The following C9orf153 variants were observed in gnomAD, a reference collection of about 807,000 sequenced individuals.
C9orf153 encodes the protein uncharacterized protein C9orf153.
Under a neutral mutation model 9.0 loss-of-function variants are expected in C9orf153, and 10 were observed. The ratio of observed to expected loss-of-function variants is 1.11; its 90% CI spans 0.69 to 1.89. The LOEUF (loss-of-function observed/expected upper bound fraction) is 1.89. Ranked by LOEUF, C9orf153 falls within the 40% of genes most tolerant of loss-of-function variation. C9orf153 has a pLI of 0.00. For synonymous variants in C9orf153, 35 were observed against 37.3 expected, an observed-to-expected ratio of 0.94 and a Z score of 0.23; for missense variants, 108 against 111.0, an observed-to-expected ratio of 0.97 and a Z score of 0.12.
intron 1 of C9orf153, among the ~76,000 whole-genome samples, chr9:86,240,707 C>CTTTTTTTTTTTTTTTTTT (rs367674249): frequency 1.1e-4 from 13 of 117,006 alleles, no homozygotes; most frequent in Non-Finnish European, 1.9e-4. Context: ...TTTTCTTTTT[C>CTTTTTTTTTTTTTTTTTT]TTTTTTTTTT....
At chr9:86,226,865 G>T (rs555884246) in intron 3 of C9orf153, among the ~76,000 whole-genome samples, 1 of 151,884 alleles carries the variant, frequency 6.6e-6, no homozygotes, top group Non-Finnish European at 1.5e-5. Flanking sequence ...CCTGGGTTCA[G>T]GCAATTCTCC....
intron 1 of C9orf153, among the ~76,000 whole-genome samples, chr9:86,235,707 A>C (rs1055013564): frequency 1.6e-5 from 2 of 125,804 alleles, no homozygotes; most frequent in African/African-American, 6.1e-5. Context: ...GCGTCACTGC[A>C]CTCCAGCCTG....
chr9:86,226,578 C>T (rs1172790589), intron 3 of C9orf153, among the ~76,000 whole-genome samples: 2 of 152,122 alleles, frequency 1.3e-5, no homozygotes, highest in African/African-American at 4.8e-5. Context: ...AAAATATTTG[C>T]TGTGAAAATG....
Position 86,227,959 on chromosome 9 carries a change from A to G in C9orf153, c.138T>C (p.His46=). 1.2e-6 allele frequency: 2 copies of G among 1,613,478 alleles called. No homozygotes were observed. The highest frequency in any genetic ancestry group is 1.7e-6 in the Non-Finnish European group (2 of 1,179,554). Reference sequence around the variant, plus strand: ...CCTGTGCTTCGTTAAGTGAAATACCATGCATTTTTAGAAGATTTGATTTCT... The same window carrying G: ...CCTGTGCTTCGTTAAGTGAAATACCGTGCATTTTTAGAAGATTTGATTTCT... ...ESKKSNLLKM[H]GISLNEAQEV... Residue 46 remains histidine (H), a synonymous_variant, in exon 3 of 4, where the codon CAT becomes CAC. Transcript: ENST00000339137.
chr9:86,221,757 G>A (rs1824208430), intron 3 of C9orf153, 24 bp from the exon 4 acceptor site: 1 of 1,466,420 alleles, frequency 6.8e-7, no homozygotes, highest in Admixed American at 2.0e-5. Flanking sequence ...TATTTTCAAA[G>A]AATCACATGG....
chr9:86,240,707 C>CTTTTTTTTTTTTTTTTTTTT (rs367674249), intron 1 of C9orf153, among the ~76,000 whole-genome samples: 1 of 117,012 alleles, frequency 8.5e-6, no homozygotes, highest in Non-Finnish European at 1.8e-5. Context: ...TTTTCTTTTT[C>CTTTTTTTTTTTTTTTTTTTT]TTTTTTTTTT....
chr9:86,247,871 C>A (rs758961584), intron 1 of C9orf153, among the ~76,000 whole-genome samples: 5 of 152,102 alleles, frequency 3.3e-5, no homozygotes, highest in Non-Finnish European at 5.9e-5. Flanking sequence ...TGGCCCCTAC[C>A]TTCCATTATA....
intron 3 of C9orf153, among the ~76,000 whole-genome samples, chr9:86,225,581 C>T (rs1824311248): frequency 6.6e-6 from 1 of 152,076 alleles, no homozygotes. Context: ...GCCTCAGCCT[C>T]CCAAGTAGCT....
At chr9:86,250,998 ATCC>A (rs1400826629) in intron 1 of C9orf153, among the ~76,000 whole-genome samples, 3 of 152,164 alleles carry the variant, frequency 2.0e-5, no homozygotes, top group Non-Finnish European at 4.4e-5. Flanking sequence ...GGCTCAGGCA[ATCC>A]TCCTGCCTCG....
chr9:86,229,691 G>A, intron 1 of C9orf153, 62 bp from the exon 2 acceptor site: 1 of 963,416 alleles, frequency 1.0e-6, no homozygotes, highest in Non-Finnish European at 1.6e-6. Context: ...AGAATACAAA[G>A]GGGGAGGTGA....
At chr9:86,229,427 G>A in intron 2 of C9orf153, 111 bp downstream of exon 2, 1 of 705,312 alleles carries the variant, frequency 1.4e-6, no homozygotes, top group Non-Finnish European at 2.4e-6. Flanking sequence ...ACATTTTGGA[G>A]TTTCCCATGG....
At chr9:86,253,984 G>A (rs908193266) in intron 1 of C9orf153, among the ~76,000 whole-genome samples, 6 of 151,742 alleles carry the variant, frequency 4.0e-5, no homozygotes, top group African/African-American at 1.2e-4. Flanking sequence ...CCAGCTACTC[G>A]GGAGGCTGAG....
chr9:86,244,580 A>G (rs1415418581), intron 1 of C9orf153, among the ~76,000 whole-genome samples: 1 of 152,244 alleles, frequency 6.6e-6, no homozygotes, highest in Non-Finnish European at 1.5e-5. Context: ...AAAACAAAGT[A>G]GATATAAAAT....
At chr9:86,256,673 G>A (rs549569716) in intron 1 of C9orf153, among the ~76,000 whole-genome samples, 152 of 152,324 alleles carry the variant, frequency 1.0e-3, no homozygotes, top group Non-Finnish European at 1.5e-3. Context: ...AGAGAGACAG[G>A]AGAGTCTCAT....
At chr9:86,222,726 T>C (rs1030618603) in intron 3 of C9orf153, among the ~76,000 whole-genome samples, 10 of 152,144 alleles carry the variant, frequency 6.6e-5, no homozygotes, top group Admixed American at 1.3e-4. Context: ...GCTAAAGGCA[T>C]GGGTTGGAGT....
At chr9:86,235,981 G>T (rs970450675) in intron 1 of C9orf153, among the ~76,000 whole-genome samples, 1 of 151,820 alleles carries the variant, frequency 6.6e-6, no homozygotes, top group African/African-American at 2.4e-5. Flanking sequence ...CATCAAATAG[G>T]TTAAATGCAT....
chr9:86,250,931 G>A (rs1038074622), intron 1 of C9orf153, among the ~76,000 whole-genome samples: 2 of 152,146 alleles, frequency 1.3e-5, no homozygotes, highest in African/African-American at 4.8e-5. Context: ...TGCCCAGGGT[G>A]GAGTGAAGTG....
chr9:86,244,440 A>G (rs1824820648), intron 1 of C9orf153, among the ~76,000 whole-genome samples: 1 of 152,112 alleles, frequency 6.6e-6, no homozygotes, highest in Admixed American at 6.6e-5. Flanking sequence ...CTTGCATTCT[A>G]TTTCTATTGG....
chr9:86,240,113 CT>C (rs1824697949), intron 1 of C9orf153, among the ~76,000 whole-genome samples: 1 of 152,126 alleles, frequency 6.6e-6, no homozygotes, highest in African/African-American at 2.4e-5. Flanking sequence ...GTTCTAAGAA[CT>C]TAAATATATT....
Sources: allele counts gnomAD v4.1 joint callset (sites outside exome capture counted in the v4.1 genomes callset), GRCh38; gene constraint gnomAD v4.1.1; transcripts MANE v1.5; gene names NCBI Gene and HGNC (gene_info 2026-07-23, HGNC 2026-07-21).